Variants in DOCK3 observed in about 807,000 individuals in gnomAD.
DOCK3 encodes the protein dedicator of cytokinesis protein 3.
Under a neutral mutation model 265.6 loss-of-function variants are expected in DOCK3, and 60 were observed. The ratio of observed to expected loss-of-function variants is 0.23; its 90% CI spans 0.18 to 0.28. The LOEUF is 0.28. Among genes scored for constraint, DOCK3 ranks in the 10% least tolerant of loss-of-function variants. DOCK3 has a pLI of 1.00. For missense variants in DOCK3, 1,981 were observed against 2,594.3 expected, an observed-to-expected ratio of 0.76 and a Z score of 5.14; for synonymous variants, 881 against 938.0, an observed-to-expected ratio of 0.94 and a Z score of 1.11.
intron 32 of DOCK3, among the ~76,000 whole-genome samples, chr3:51,319,418 G>T (rs1291934876): frequency 2.7e-5 from 4 of 148,066 alleles, no homozygotes; most frequent in African/African-American, 5.0e-5. Flanking sequence ...AAAAAACCCA[G>T]TTACCAAGAA....
chr3:50,903,360 G>T (rs1272245489), intron 4 of DOCK3, among the ~76,000 whole-genome samples: 1 of 152,118 alleles, frequency 6.6e-6, no homozygotes, highest in Non-Finnish European at 1.5e-5. Flanking sequence ...AGTTTATTGA[G>T]AGTTTTTAAC....
intron 36 of DOCK3, among the ~76,000 whole-genome samples, chr3:51,338,684 A>C (rs1443701253): frequency 6.6e-6 from 1 of 152,216 alleles, no homozygotes; most frequent in African/African-American, 2.4e-5. Context: ...CCCAATTCAC[A>C]GTCAACCCTG....
intron 4 of DOCK3, 98 bp downstream of exon 4, chr3:50,890,179 T>G: frequency 1.0e-6 from 1 of 962,450 alleles, no homozygotes; most frequent in Non-Finnish European, 1.4e-6. Flanking sequence ...ATACAATTGA[T>G]ATGTTTTCCT....
At chr3:50,916,734 G>A (rs1218038336) in intron 4 of DOCK3, among the ~76,000 whole-genome samples, 2 of 151,594 alleles carry the variant, frequency 1.3e-5, no homozygotes, top group Admixed American at 6.6e-5. Flanking sequence ...GTGTGAACCC[G>A]GTAGGGGGAG....
intron 5 of DOCK3, among the ~76,000 whole-genome samples, chr3:50,961,060 A>T (rs1575616541): frequency 6.6e-6 from 1 of 152,304 alleles, no homozygotes; most frequent in East Asian, 1.9e-4. Flanking sequence ...TACAAATACC[A>T]CATTTTCTTG....
chr3:51,100,914 C>G (rs1198001066), intron 9 of DOCK3, among the ~76,000 whole-genome samples: 3 of 151,616 alleles, frequency 2.0e-5, no homozygotes, highest in African/African-American at 7.3e-5. Flanking sequence ...CCTGCCTCAG[C>G]CTGCTGAATA....
intron 1 of DOCK3, among the ~76,000 whole-genome samples, chr3:50,698,517 G>GTTTTTTTTTTTTTTT: frequency 0.048 from 923 of 19,422 alleles, 330 homozygotes; most frequent in Non-Finnish European, 0.079. Flanking sequence ...TATGTTTTTG[G>GTTTTTTTTTTTTTTT]TTTTTTTTTT....
At chr3:50,928,037 G>A (rs74966608) in intron 4 of DOCK3, among the ~76,000 whole-genome samples, 148,917 of 151,858 alleles carry the variant, frequency 0.98, 73,033 homozygotes, top group Middle Eastern at 1. Flanking sequence ...CTGTCTTGCA[G>A]CTGTTTTCTT....
At chr3:51,320,038 G>A (rs2083599725) in intron 32 of DOCK3, among the ~76,000 whole-genome samples, 1 of 152,086 alleles carries the variant, frequency 6.6e-6, no homozygotes, top group Non-Finnish European at 1.5e-5. Flanking sequence ...TGGCAAGATG[G>A]CCAAATAGGA....
intron 2 of DOCK3, among the ~76,000 whole-genome samples, chr3:50,825,958 G>GT (rs11441822): frequency 0.77 from 114,687 of 148,942 alleles, 44,862 homozygotes; most frequent in Middle Eastern, 0.87. Flanking sequence ...GGTTCTTCAT[G>GT]TTTTTTTTTT....
chr3:50,740,518 C>T (rs979038608), intron 1 of DOCK3, among the ~76,000 whole-genome samples: 1 of 152,038 alleles, frequency 6.6e-6, no homozygotes, highest in Admixed American at 6.6e-5. Flanking sequence ...TCTTCCACAT[C>T]TTTACTAACA....
chr3:51,184,750 G>A (rs897720884), intron 12 of DOCK3, among the ~76,000 whole-genome samples: 4 of 152,190 alleles, frequency 2.6e-5, no homozygotes, highest in African/African-American at 9.7e-5. Context: ...AGTGTGAGAT[G>A]TGCGTACTGA....
intron 1 of DOCK3, among the ~76,000 whole-genome samples, chr3:50,712,977 A>C (rs566959498): frequency 2.4e-4 from 37 of 152,186 alleles, no homozygotes; most frequent in Non-Finnish European, 4.7e-4. Flanking sequence ...TTAATAAGAA[A>C]TATATGTAGG....
intron 4 of DOCK3, among the ~76,000 whole-genome samples, chr3:50,912,386 G>C (rs2049902524): frequency 6.6e-6 from 1 of 152,088 alleles, no homozygotes; most frequent in Non-Finnish European, 1.5e-5. Flanking sequence ...TGCTGGGTCA[G>C]ACCTGAAGCT....
intron 3 of DOCK3, among the ~76,000 whole-genome samples, chr3:50,875,398 A>C (rs1368218732): frequency 6.6e-6 from 1 of 151,908 alleles, no homozygotes; most frequent in Non-Finnish European, 1.5e-5. Context: ...AAGACTTTCA[A>C]TTTTTCCCTG....
intron 12 of DOCK3, among the ~76,000 whole-genome samples, chr3:51,161,873 A>G (rs561992045): frequency 7.2e-5 from 11 of 152,316 alleles, no homozygotes; most frequent in Middle Eastern, 6.8e-3. Context: ...GTCACATCCA[A>G]CCAGGCATGG....
chr3:50,687,731 A>G (rs893249368), intron 1 of DOCK3, among the ~76,000 whole-genome samples: 3 of 152,234 alleles, frequency 2.0e-5, no homozygotes, highest in African/African-American at 7.2e-5. Flanking sequence ...TGAGTAGTGA[A>G]ATTAGAAAGC....
At chr3:50,894,626 C>G (rs1254841069) in intron 4 of DOCK3, among the ~76,000 whole-genome samples, 1 of 151,962 alleles carries the variant, frequency 6.6e-6, no homozygotes, top group Non-Finnish European at 1.5e-5. Flanking sequence ...AGTTAAAAGA[C>G]AAGTATTAAG....
At chr3:50,733,757 G>T (rs1044874162) in intron 1 of DOCK3, among the ~76,000 whole-genome samples, 2 of 148,628 alleles carry the variant, frequency 1.3e-5, no homozygotes, top group African/African-American at 5.0e-5. Flanking sequence ...TTAACCTTTT[G>T]TTAATTTTTT....
Sources: allele counts gnomAD v4.1 joint callset (sites outside exome capture counted in the v4.1 genomes callset), GRCh38; gene constraint gnomAD v4.1.1; transcripts MANE v1.5; gene names NCBI Gene and HGNC (gene_info 2026-07-23, HGNC 2026-07-21).